The following ABCE1 variants were observed in gnomAD, a reference collection of about 807,000 sequenced individuals.
The protein encoded by ABCE1 is ATP-binding cassette sub-family E member 1.
Under a neutral mutation model 83.4 loss-of-function variants are expected in ABCE1, and 22 were observed. That is an observed-to-expected ratio of 0.26 (90% CI 0.19 to 0.38). ABCE1 has a LOEUF of 0.38. Among genes scored for constraint, ABCE1 ranks in the 10% least tolerant of loss-of-function variants. The pLI, the probability that ABCE1 is intolerant of heterozygous loss-of-function variation, is 1.00. For missense variants in ABCE1, 330 were observed against 721.9 expected, an observed-to-expected ratio of 0.46 and a Z score of 6.22; for synonymous variants, 204 against 233.7, an observed-to-expected ratio of 0.87 and a Z score of 1.16.
At chr4:145,108,165 T>G in intron 4 of ABCE1, 53 bp downstream of exon 4, 1 of 1,524,350 alleles carries the variant, frequency 6.6e-7, no homozygotes, top group Non-Finnish European at 9.0e-7. Flanking sequence ...TAAAATACAT[T>G]TGGGATTTTA....
intron 9 of ABCE1, 71 bp downstream of exon 9, chr4:145,112,399 A>C: frequency 2.9e-6 from 3 of 1,024,476 alleles, no homozygotes; most frequent in Non-Finnish European, 4.3e-6. Flanking sequence ...AGGATTAAAC[A>C]CTGGGACTGT....
At chr4:145,119,810 A>C (rs1414326021) in intron 10 of ABCE1, 122 bp from the exon 11 acceptor site, 1 of 671,084 alleles carries the variant, frequency 1.5e-6, no homozygotes, top group South Asian at 1.9e-5. Flanking sequence ...CTTTATATGC[A>C]GACCAACATG....
chr4:145,126,814 A>AAC (rs1413903346), intron 17 of ABCE1, among the ~76,000 whole-genome samples: 1 of 152,180 alleles, frequency 6.6e-6, no homozygotes, highest in Non-Finnish European at 1.5e-5. Flanking sequence ...TTAAGCACCT[A>AAC]ACAGTATGTC....
Position 145,110,405 on chromosome 4 carries a change from G to A in ABCE1, c.574G>A (p.Asp192Asn). 1 of 1,612,272 alleles carries A rather than the reference G, an allele frequency of 6.2e-7. No individual in the cohort carries two copies. Among genetic ancestry groups the A allele is most frequent in the Admixed American group, 1.7e-5 (1 of 60,026 alleles). The change falls in exon 7 of 18, where the codon GAT becomes AAT. Residue 192 changes from aspartate to asparagine, a missense_variant. Asp to Asn is a conservative substitution (Grantham distance 23). Transcript: ENST00000296577. ...AGTGGGATCTATTTTGGACCGAAAA[G>A]ATGAAACAAAGACACAGGCAATTGT... ...GTVGSILDRK[D>N]ETKTQAIVCQ...
chr4:145,109,102 T>C, intron 4 of ABCE1, 30 bp from the exon 5 acceptor site: 1 of 1,463,816 alleles, frequency 6.8e-7, no homozygotes, highest in Non-Finnish European at 9.5e-7. Flanking sequence ...AAATCTGAGT[T>C]GTTTTATTAT....
chr4:145,104,032 C>G (rs1050467810), intron 1 of ABCE1, among the ~76,000 whole-genome samples: 2 of 151,986 alleles, frequency 1.3e-5, no homozygotes, highest in African/African-American at 4.8e-5. Context: ...ACTGAGATAG[C>G]ATGTCATTTG....
chr4:145,099,752 T>C (rs1749076224), intron 1 of ABCE1, among the ~76,000 whole-genome samples: 1 of 152,248 alleles, frequency 6.6e-6, no homozygotes, highest in African/African-American at 2.4e-5. Flanking sequence ...TAAACATCAT[T>C]AGTTAACAGC....
rs1749950957 is a variant in ABCE1 at position 145,128,382 on chromosome 4, A to AC, written c.*810dup. The stretch of plus-strand genomic sequence containing the variant: ...CTAAAGAATATTTGCTTCCCTTAGA[A>AC]CTACAGACTCGAAATCTTTAAAGAT... On this transcript the variant is annotated 3_prime_UTR_variant, in exon 18 of 18. Transcript: ENST00000296577. 1 of 152,448 alleles carries AC rather than the reference A, an allele frequency of 6.6e-6. No homozygotes were observed. The highest frequency in any genetic ancestry group is 1.5e-5 in the Non-Finnish European group (1 of 68,012). The allele number at this position is 152,448 out of a possible 1,614,324, so 9.4% of individuals were successfully genotyped here.
chr4:145,119,816 A>G (rs1749696853), intron 10 of ABCE1, 116 bp from the exon 11 acceptor site: 4 of 703,980 alleles, frequency 5.7e-6, no homozygotes, highest in Non-Finnish European at 9.7e-6. Context: ...ATGCAGACCA[A>G]CATGTTAGCA....
At chr4:145,126,219 A>G (rs1184836700) in intron 17 of ABCE1, among the ~76,000 whole-genome samples, 13 of 152,306 alleles carry the variant, frequency 8.5e-5, no homozygotes, top group Admixed American at 2.6e-4. Flanking sequence ...CTTAAAAGGC[A>G]AAAATCTTAG....
At position 145,123,277 on chromosome 4, in the gene ABCE1, T is replaced by A; in HGVS notation, c.1437T>A (p.Pro479=). ...CTTTAGCCCTTTGCTTGGGCAAACC[T>A]GCTGATGTCTATTTAATTGATGAAC... ...RVALALCLGK[P]ADVYLIDEPS... Residue 479 remains proline, a synonymous_variant, in exon 15 of 18, where the codon CCT becomes CCA. Transcript: ENST00000296577. 1 of 1,612,962 alleles carries A rather than the reference T, an allele frequency of 6.2e-7. No individual in the cohort carries two copies. Among genetic ancestry groups the A allele is most frequent in the Non-Finnish European group, 8.5e-7 (1 of 1,179,638 alleles).
chr4:145,104,834 GTAAT>G lies in ABCE1; in HGVS notation c.103+326_103+329del, dbSNP rs985978469. ...TAATTACTTTAATATTATATATATA[GTAAT>G]TAATTACTATAATCAATGGGGGAAG... is the stretch of plus-strand genomic sequence containing the variant. On this transcript the variant is annotated intron_variant, in intron 2 of 17. Coordinates refer to ENST00000296577, the MANE Select transcript of ABCE1 (RefSeq NM_002940.3). Among the ~76,000 whole-genome samples the G allele has an allele frequency of 9.9e-5, 15 of 151,188 alleles. No individual in the cohort carries two copies. In the South Asian group the frequency reaches 1.5e-3, roughly 15 times the overall value.
intron 13 of ABCE1, 117 bp downstream of exon 13, chr4:145,121,508 T>C: frequency 1.4e-6 from 1 of 732,284 alleles, no homozygotes; most frequent in Non-Finnish European, 2.3e-6. Context: ...GTTTTATTGA[T>C]AGTTGCAAAC....
chr4:145,123,793 C>G (rs747163031), intron 16 of ABCE1, 193 bp downstream of exon 16: 38 of 418,988 alleles, frequency 9.1e-5, no homozygotes, highest in Non-Finnish European at 1.3e-4. Flanking sequence ...AGTGTGGAAT[C>G]CCTCACCAGG....
At chr4:145,118,524 T>G (rs1749662983) in intron 10 of ABCE1, among the ~76,000 whole-genome samples, 1 of 151,784 alleles carries the variant, frequency 6.6e-6, no homozygotes, top group African/African-American at 2.4e-5. Context: ...AACAAATTTA[T>G]TAATGTTTTA....
At chr4:145,118,985 T>C (rs1219946448) in intron 10 of ABCE1, among the ~76,000 whole-genome samples, 1 of 151,900 alleles carries the variant, frequency 6.6e-6, no homozygotes, top group East Asian at 1.9e-4. Flanking sequence ...CCTTTGAGTT[T>C]ATGTTTTTAT....
chr4:145,100,327 AC>A (rs1749108803), intron 1 of ABCE1, among the ~76,000 whole-genome samples: 1 of 152,224 alleles, frequency 6.6e-6, no homozygotes, highest in South Asian at 2.1e-4. Flanking sequence ...CAGCCAGGAC[AC>A]CATAGCAAGA....
chr4:145,108,204 C>CT, intron 4 of ABCE1, 92 bp downstream of exon 4: 4 of 1,094,878 alleles, frequency 3.7e-6, no homozygotes, highest in Non-Finnish European at 5.5e-6. Context: ...GGGGGAAATG[C>CT]TATTAACCAG....
chr4:145,120,056 A>T lies in ABCE1; in HGVS notation c.1047A>T (p.Lys349Asn). ...AAGTTAAAAAGATGTGTATGTATAAATATCCAGGAATGAAGAAAAAAATGG... is the reference window on the plus strand; with the variant it reads ...AAGTTAAAAAGATGTGTATGTATAATTATCCAGGAATGAAGAAAAAAATGG... Reference protein sequence around the residue: ...EEEVKKMCMYKYPGMKKKMGE... With the variant: ...EEEVKKMCMYNYPGMKKKMGE... The change falls in exon 11 of 18, where the codon AAA becomes AAT. Residue 349 changes from lysine to asparagine, a missense_variant. Transcript: ENST00000296577. 6.2e-7 allele frequency: 1 copy of T among 1,612,448 alleles called. No individual in the cohort carries two copies. The highest frequency in any genetic ancestry group is 1.3e-5 in the African/African-American group (1 of 74,982).
Sources: gnomAD v4.1 joint callset for allele counts (sites outside exome capture counted in the v4.1 genomes callset) on GRCh38, gnomAD v4.1.1 for gene constraint, MANE v1.5 for transcripts, NCBI Gene and HGNC (gene_info 2026-07-23, HGNC 2026-07-21) for gene names.